GON4L: variants seen among roughly 807,000 people sequenced by gnomAD.
GON4L encodes GON-4-like protein.
GON4L carries 87 observed loss-of-function variants against 211.8 expected under a neutral mutation model. That is an observed-to-expected ratio of 0.41 (90% confidence interval 0.35 to 0.49). GON4L has a LOEUF of 0.49. GON4L is among the 20% of genes least tolerant of loss of function. GON4L has a pLI of 0.15. For synonymous variants in GON4L, 875 were observed against 962.6 expected (o/e 0.91, Z 1.68); for missense variants, 2,155 against 2,659.5 (o/e 0.81, Z 4.17).
rs1297249537 is a variant in GON4L, at chr1:155,814,393, T to C, written c.1218A>G (p.Lys406=). The C allele has an allele frequency of 1.9e-6, 3 of 1,613,328 alleles. No individual in the cohort carries two copies. Among genetic ancestry groups the C allele is most frequent in the Non-Finnish European group, 1.7e-6 (2 of 1,179,392 alleles). ...STASSPRGAK[K]SRLRQSSEMT... Reference sequence around the variant, plus strand: ...TCTCAGAAGACTGCCTCAATCTGGATTTCTTTGCCCCACGTGGAGATGAAG... The same window carrying C: ...TCTCAGAAGACTGCCTCAATCTGGACTTCTTTGCCCCACGTGGAGATGAAG... The change falls in exon 9 of 32, where the codon AAA becomes AAG. Residue 406 remains lysine, a synonymous_variant. Transcript: ENST00000368331.
chr1:155,748,882 TC>T (rs1237418064), downstream of GON4L: 4 of 1,172,126 alleles, frequency 3.4e-6, no homozygotes, highest in Non-Finnish European at 4.9e-6. Flanking sequence ...TGTTGTTCCC[TC>T]CCCACCCCTT....
intron 27 of GON4L, among the ~76,000 whole-genome samples, chr1:155,756,062 A>G (rs769526940): frequency 6.6e-6 from 1 of 151,966 alleles, no homozygotes; most frequent in Non-Finnish European, 1.5e-5. Flanking sequence ...TTCATATCCT[A>G]GCACCACCAC....
At chr1:155,782,834 A>AT in intron 14 of GON4L, among the ~76,000 whole-genome samples, 1 of 151,868 alleles carries the variant, frequency 6.6e-6, no homozygotes, top group Non-Finnish European at 1.5e-5. Context: ...TAATTTTTGT[A>AT]TTTTTAGTAG....
At chr1:155,814,705 C>T (rs1668089050) in intron 8 of GON4L, among the ~76,000 whole-genome samples, 1 of 151,548 alleles carries the variant, frequency 6.6e-6, no homozygotes, top group South Asian at 2.1e-4. Context: ...GAGATCACGC[C>T]ACTGCACTCC....
intron 21 of GON4L, chr1:155,764,426 A>ATTTTTTTTTT (rs371568461): frequency 2.9e-5 from 4 of 139,568 alleles, no homozygotes; most frequent in African/African-American, 6.3e-5. Flanking sequence ...GTTATTTACT[A>ATTTTTTTTTT]TTTTTTTTTT....
intron 15 of GON4L, 47 bp downstream of exon 15, chr1:155,777,575 T>A: frequency 7.1e-7 from 1 of 1,415,514 alleles, no homozygotes; most frequent in Non-Finnish European, 1.0e-6. Context: ...CCAGACTCTG[T>A]CTCAAAAAAA....
rs527632954 is a variant in GON4L at position 155,854,435 on chromosome 1, G to A, written c.-26-629C>T. ...CTCCCAAAGTGCTGGGATTACAGGC[G>A]TGAGCCACCGCGTCCAGCAAACATT... On this transcript the variant is annotated intron_variant, in intron 1 of 31. Transcript: ENST00000368331. Among the ~76,000 whole-genome samples the A allele has an allele frequency of 2.0e-5, 3 of 152,278 alleles. No homozygotes were observed. The South Asian group carries it at 6.2e-4, about 32-fold the overall frequency.
At chr1:155,747,882 C>T (rs764349857), downstream of GON4L, 1 of 1,580,134 alleles carries the variant, frequency 6.3e-7, no homozygotes, top group Non-Finnish European at 8.6e-7. Context: ...GCTACCTGGT[C>T]CCTACCATCG....
rs372881608 is a variant in GON4L, at chr1:155,840,770, C to G, written c.505+12506G>C. Among the ~76,000 whole-genome samples the G allele has an allele frequency of 1.6e-3, 248 of 152,238 alleles. 1 individual carries two copies. The highest frequency in any genetic ancestry group is 5.7e-3 in the African/African-American group (235 of 41,530). On this transcript the variant is annotated intron_variant, in intron 2 of 31. Transcript: ENST00000368331. ...GCTTTAGGACGGGCGCAGTTGATCACGCCTGTAATCCCAGCACTCTGGGAG... is the reference window on the plus strand; with the variant it reads ...GCTTTAGGACGGGCGCAGTTGATCAGGCCTGTAATCCCAGCACTCTGGGAG...
chr1:155,773,416 G>A, intron 17 of GON4L: 1 of 587,374 alleles, frequency 1.7e-6, no homozygotes, highest in South Asian at 2.0e-5. Flanking sequence ...GGCAATAAAA[G>A]TTGACTCATT....
At chr1:155,799,393 C>T (rs986293908) in intron 11 of GON4L, among the ~76,000 whole-genome samples, 2 of 152,176 alleles carry the variant, frequency 1.3e-5, no homozygotes, top group African/African-American at 4.8e-5. Flanking sequence ...AAGATCACAC[C>T]ATTGTACTCC....
chr1:155,828,258 G>A (rs1430189797), intron 2 of GON4L, among the ~76,000 whole-genome samples: 2 of 151,868 alleles, frequency 1.3e-5, no homozygotes, highest in African/African-American at 4.8e-5. Context: ...GAAGGCTGAG[G>A]CAGGCAGATC....
rs1270713298 is a variant in GON4L at position 155,783,890 on chromosome 1, G to T, written c.1892+96C>A. On this transcript the variant is annotated intron_variant, in intron 14 of 31. Coordinates refer to ENST00000368331, the MANE Select transcript of GON4L (RefSeq NM_001282860.2). ...ATCCTTACATCAGTAACAGAAGCTG[G>T]TTTGGGATGAAAAATTATCAATTGC... 3 of 1,561,642 alleles carry T rather than the reference G, an allele frequency of 1.9e-6. No individual in the cohort carries two copies. The East Asian group carries it at 6.9e-5, about 36-fold the overall frequency.
At chr1:155,847,658 C>T (rs1329136454) in intron 2 of GON4L, among the ~76,000 whole-genome samples, 10 of 151,898 alleles carry the variant, frequency 6.6e-5, no homozygotes, top group African/African-American at 1.5e-4. Flanking sequence ...ACTGAGATGG[C>T]GCCACTGCAC....
rs147664138 is a variant in GON4L at position 155,796,962 on chromosome 1, AT to A, written c.1646-1812del. The stretch of plus-strand genomic sequence containing the variant: ...GCTAAGTGAAAGAAGCAAGTTGCAG[AT>A]GAAGACCAATATGTATAGTATGATT... On this transcript the variant is annotated intron_variant, in intron 11 of 31. Transcript: ENST00000368331. Among the ~76,000 whole-genome samples, 36 of 152,356 alleles carry A rather than the reference AT, an allele frequency of 2.4e-4. No homozygotes were observed. The East Asian group carries it at 6.4e-3, about 27-fold the overall frequency.
intron 14 of GON4L, among the ~76,000 whole-genome samples, chr1:155,780,535 G>A (rs2948072): frequency 6.6e-6 from 1 of 151,742 alleles, no homozygotes; most frequent in Non-Finnish European, 1.5e-5. Context: ...AGAGGTTGCA[G>A]TGAGCCGAGA....
At chr1:155,783,145 T>G (rs909902572) in intron 14 of GON4L, among the ~76,000 whole-genome samples, 2 of 152,330 alleles carry the variant, frequency 1.3e-5, no homozygotes, top group East Asian at 3.9e-4. Context: ...AGGTTTTTGA[T>G]GTAGTTGTAT....
chr1:155,796,435 G>A (rs1666075418), intron 11 of GON4L, among the ~76,000 whole-genome samples: 1 of 151,606 alleles, frequency 6.6e-6, no homozygotes, highest in Non-Finnish European at 1.5e-5. Context: ...CCACCACCAC[G>A]CCCGGCTAAT....
chr1:155,790,345 A>G (rs577916509), intron 12 of GON4L, among the ~76,000 whole-genome samples: 2 of 151,274 alleles, frequency 1.3e-5, no homozygotes, highest in South Asian at 4.2e-4. Flanking sequence ...TGATCTGCCC[A>G]CCCTGGCCTC....
Sources: allele counts gnomAD v4.1 joint callset (sites outside exome capture counted in the v4.1 genomes callset), GRCh38; gene constraint gnomAD v4.1.1; transcripts MANE v1.5; gene names NCBI Gene and HGNC (gene_info 2026-07-23, HGNC 2026-07-21).